The following SLCO1B1 variants were observed in gnomAD, a reference collection of about 807,000 sequenced individuals.
The protein encoded by SLCO1B1 is solute carrier organic anion transporter family member 1B1, also known as OATP-2.
Under a neutral mutation model 70.1 loss-of-function variants are expected in SLCO1B1, and 81 were observed. The observed-to-expected ratio is 1.16, with a 90% confidence interval of 0.97 to 1.39. The LOEUF is 1.39. SLCO1B1 is among the 40% of genes most tolerant of loss of function. SLCO1B1 has a pLI of 0.00. For missense variants in SLCO1B1, 895 were observed against 799.6 expected, an observed-to-expected ratio of 1.12 and a Z score of -1.44; for synonymous variants, 283 against 271.5, an observed-to-expected ratio of 1.04 and a Z score of -0.42.
At chr12:21,168,474 C>CA (rs1321945757) in intron 2 of SLCO1B1, among the ~76,000 whole-genome samples, 3 of 152,170 alleles carry the variant, frequency 2.0e-5, no homozygotes, top group Non-Finnish European at 2.9e-5. Context: ...GTGGAACCTC[C>CA]AAACTCTTTT....
chr12:21,183,230 CTG>C (rs144667838), intron 7 of SLCO1B1, among the ~76,000 whole-genome samples: 15,545 of 152,284 alleles, frequency 0.1, 1,114 homozygotes, highest in African/African-American at 0.2. Context: ...GTACCTCACT[CTG>C]TTACCCAGGC....
intron 2 of SLCO1B1, among the ~76,000 whole-genome samples, chr12:21,163,275 G>A (rs1411953410): frequency 6.6e-6 from 1 of 151,910 alleles, no homozygotes; most frequent in Non-Finnish European, 1.5e-5. Flanking sequence ...TACTTATGAA[G>A]AGAACTAACT....
Position 21,217,161 on chromosome 12 carries a change from A to G in SLCO1B1, c.1540A>G (p.Asn514Asp). 6.2e-7 allele frequency: 1 copy of G among 1,613,750 alleles called. No individual in the cohort carries two copies. The highest frequency in any genetic ancestry group is 1.3e-5 in the African/African-American group (1 of 75,050). The change falls in exon 12 of 15, where the codon AAC (asparagine) becomes GAC (aspartate). Residue 514 changes from asparagine (N) to aspartate (D), a missense_variant. Transcript: ENST00000256958. ...TTGTTTGGAAGTAACTGGTCTCCAG[A>G]ACAGAAATTACTCAGCCCATTTGGG... ...CSCLEVTGLQ[N>D]RNYSAHLGEC...
rs886775380 is a variant in SLCO1B1 at position 21,162,825 on chromosome 12, T to G, written c.85-9825T>G. ...GACACTAGAAATAATATATACAAAATAGTTGGAATAGTTCCTGAAAAATAG... is the reference window on the plus strand; with the variant it reads ...GACACTAGAAATAATATATACAAAAGAGTTGGAATAGTTCCTGAAAAATAG... On this transcript the variant is annotated intron_variant, in intron 2 of 14. Transcript: ENST00000256958. Among the ~76,000 whole-genome samples, 4 of 152,238 alleles carry G rather than the reference T, an allele frequency of 2.6e-5. 1 individual carries two copies. In the Middle Eastern group the frequency reaches 0.01, roughly 388 times the overall value.
chr12:21,184,165 T>A (rs959899662), intron 7 of SLCO1B1, among the ~76,000 whole-genome samples: 5 of 152,102 alleles, frequency 3.3e-5, no homozygotes, highest in African/African-American at 1.2e-4. Context: ...GTAAACAACT[T>A]GTAAAACGTA....
At chr12:21,216,486 G>C (rs188447595) in intron 11 of SLCO1B1, among the ~76,000 whole-genome samples, 129 of 152,250 alleles carry the variant, frequency 8.5e-4, no homozygotes, top group African/African-American at 2.8e-3. Flanking sequence ...GAAATCACTT[G>C]TTTCTACATT....
chr12:21,193,311 C>T (rs1223163141), intron 7 of SLCO1B1, among the ~76,000 whole-genome samples: 1 of 152,140 alleles, frequency 6.6e-6, no homozygotes, highest in Non-Finnish European at 1.5e-5. Context: ...AGTCAGCCTA[C>T]TATGGAGGGC....
In SLCO1B1 at chr12:21,205,889, T is replaced by C; in HGVS notation, c.1353T>C (p.His451=). Residue 451 remains histidine, a synonymous_variant, in exon 11 of 15, where the codon CAT becomes CAC. Transcript: ENST00000256958. ...CCAGAAATAATCCAGTGACATCTCATAGAGATGTACCACTTTCTTATTGCA... is the reference window on the plus strand; with the variant it reads ...CCAGAAATAATCCAGTGACATCTCACAGAGATGTACCACTTTCTTATTGCA... ...TYDGNNPVTS[H]RDVPLSYCNS... The C allele has an allele frequency of 6.2e-7, 1 of 1,605,682 alleles. No individual in the cohort carries two copies. Among genetic ancestry groups the C allele is most frequent in the Non-Finnish European group, 8.5e-7 (1 of 1,172,898 alleles).
chr12:21,186,835 T>C (rs1317786191), intron 7 of SLCO1B1, among the ~76,000 whole-genome samples: 1 of 152,052 alleles, frequency 6.6e-6, no homozygotes, highest in Non-Finnish European at 1.5e-5. Context: ...GACTTTAATG[T>C]GATTTGAGAA....
intron 7 of SLCO1B1, among the ~76,000 whole-genome samples, chr12:21,188,164 T>C (rs538766179): frequency 1.3e-5 from 2 of 152,122 alleles, no homozygotes; most frequent in Non-Finnish European, 2.9e-5. Flanking sequence ...AATTATGGCG[T>C]ATTTATGAAA....
chr12:21,181,726 C>A (rs963821231), intron 7 of SLCO1B1, among the ~76,000 whole-genome samples: 3 of 151,842 alleles, frequency 2.0e-5, no homozygotes, highest in East Asian at 3.9e-4. Flanking sequence ...ATACAGTGGA[C>A]CCATGAACAA....
intron 11 of SLCO1B1, among the ~76,000 whole-genome samples, chr12:21,214,192 T>G (rs904998470): frequency 2.0e-5 from 3 of 152,168 alleles, no homozygotes; most frequent in Non-Finnish European, 4.4e-5. Flanking sequence ...TCTTTGTGGT[T>G]TTATGTACTT....
At position 21,217,176 on chromosome 12, in the gene SLCO1B1, G is replaced by A. The variant is rs1941369000; in HGVS notation, c.1555G>A (p.Ala519Thr). Residue 519 changes from alanine (A) to threonine (T), a missense_variant, in exon 12 of 15, where the codon GCC becomes ACC. Ala to Thr is a moderately conservative substitution (Grantham distance 58). Transcript: ENST00000256958. ...TGGTCTCCAGAACAGAAATTACTCA[G>A]CCCATTTGGGTGAATGCCCAAGAGA... ...VTGLQNRNYS[A>T]HLGECPRDDA... The A allele has an allele frequency of 1.2e-6, 2 of 1,613,600 alleles. No homozygotes were observed. Among genetic ancestry groups the A allele is most frequent in the Non-Finnish European group, 1.7e-6 (2 of 1,179,722 alleles).
chr12:21,202,510 T>C lies in SLCO1B1; in HGVS notation c.1155T>C (p.Ile385=), dbSNP rs1457819990. ...NILLGVITIP[I]FASGMFLGGY... The stretch of plus-strand genomic sequence containing the variant: ...TTCTAGGAGTCATAACCATACCTAT[T>C]TTTGCAAGTGGAATGTTTTTAGGAG... The change falls in exon 10 of 15, where the codon ATT becomes ATC. Residue 385 remains isoleucine (I), a synonymous_variant. Transcript: ENST00000256958. 7.5e-6 allele frequency: 12 copies of C among 1,608,860 alleles called. No individual in the cohort carries two copies. In the South Asian group the frequency reaches 1.2e-4, roughly 16 times the overall value.
intron 4 of SLCO1B1, among the ~76,000 whole-genome samples, chr12:21,175,181 A>C (rs1042489361): frequency 6.6e-6 from 1 of 152,154 alleles, no homozygotes; most frequent in African/African-American, 2.4e-5. Flanking sequence ...TTCACATTAC[A>C]GTTAATGTAG....
chr12:21,226,574 G>C (rs376067018), intron 14 of SLCO1B1, among the ~76,000 whole-genome samples: 3 of 152,136 alleles, frequency 2.0e-5, no homozygotes, highest in Non-Finnish European at 4.4e-5. Context: ...AGTAGGTGGA[G>C]CACAGGGCAT....
In SLCO1B1 at chr12:21,214,283, C is replaced by G. The variant is rs539370154; in HGVS notation, c.1498-2836C>G. The stretch of plus-strand genomic sequence containing the variant: ...GTTTGTTAGTTTTCCTTCTAACAGA[C>G]AGGACCCTCAGCTGCAGGTCTGTTG... On this transcript the variant is annotated intron_variant, in intron 11 of 14. Transcript: ENST00000256958. 2.2e-3 allele frequency among the ~76,000 whole-genome samples: 329 copies of G among 151,878 alleles called. 5 individuals carry two copies. The highest frequency in any genetic ancestry group is 7.3e-3 in the African/African-American group (300 of 41,222).
chr12:21,190,952 A>T (rs67981690), intron 7 of SLCO1B1, among the ~76,000 whole-genome samples: 1 of 151,716 alleles, frequency 6.6e-6, no homozygotes, highest in Non-Finnish European at 1.5e-5. Flanking sequence ...TTTATTCTGC[A>T]TATTTCTTTT....
chr12:21,234,428 T>C (rs565803787), intron 14 of SLCO1B1, among the ~76,000 whole-genome samples: 1 of 152,336 alleles, frequency 6.6e-6, no homozygotes, highest in African/African-American at 2.4e-5. Context: ...TCTAATCTTT[T>C]GGCTAATTCG....
Sources: allele counts gnomAD v4.1 joint callset (sites outside exome capture counted in the v4.1 genomes callset), GRCh38; gene constraint gnomAD v4.1.1; transcripts MANE v1.5; gene names NCBI Gene and HGNC (gene_info 2026-07-23, HGNC 2026-07-21).